PTPRB: variants seen among roughly 807,000 people sequenced by gnomAD.
PTPRB encodes the protein protein tyrosine phosphatase receptor type B.
PTPRB carries 97 observed loss-of-function variants against 238.1 expected under a neutral mutation model. That is an observed-to-expected ratio of 0.41 (90% CI 0.35 to 0.48). PTPRB has a LOEUF of 0.48. Among genes scored for constraint, PTPRB ranks in the 20% least tolerant of loss-of-function variants. The pLI, the probability that PTPRB is intolerant of heterozygous loss-of-function variation, is 0.30. For synonymous variants in PTPRB, 970 were observed against 995.4 expected, an observed-to-expected ratio of 0.97 and a Z score of 0.48; for missense variants, 2,292 against 2,681.9, an observed-to-expected ratio of 0.85 and a Z score of 3.21.
intron 3 of PTPRB, among the ~76,000 whole-genome samples, chr12:70,620,469 G>A (rs796401209): frequency 8.5e-5 from 13 of 152,228 alleles, no homozygotes; most frequent in African/African-American, 2.4e-4. Context: ...GCAGATAAAT[G>A]TTTATAATAG....
rs191975031 is a variant in PTPRB at position 70,566,339 on chromosome 12, T to A, written c.3904+96A>T. ...CCAGCGTATCAAGAGATAGATATCA[T>A]CTCCCAATGTTGCTTCATCCCTCTC... On this transcript the variant is annotated intron_variant, in intron 15 of 33. Coordinates refer to ENST00000334414, the MANE Select transcript of PTPRB (RefSeq NM_001109754.4). The A allele has an allele frequency of 1.0e-4, 144 of 1,402,960 alleles. No individual in the cohort carries two copies. The African/African-American group carries it at 2.0e-3, about 20-fold the overall frequency. The allele number at this position is 1,402,960 out of a possible 1,614,324, so 86.9% of individuals were successfully genotyped here.
At chr12:70,602,809 C>T (rs1883625201) in intron 4 of PTPRB, among the ~76,000 whole-genome samples, 1 of 152,050 alleles carries the variant, frequency 6.6e-6, no homozygotes. Flanking sequence ...GAAGAAAACA[C>T]AATATCAAAA....
intron 7 of PTPRB, among the ~76,000 whole-genome samples, chr12:70,591,226 G>A (rs759879388): frequency 1.3e-5 from 2 of 151,068 alleles, no homozygotes; most frequent in Admixed American, 6.6e-5. Flanking sequence ...ATGAGCCACC[G>A]CACCCTGCTC....
At chr12:70,616,475 T>C (rs1353181738) in intron 3 of PTPRB, among the ~76,000 whole-genome samples, 1 of 152,222 alleles carries the variant, frequency 6.6e-6, no homozygotes, top group East Asian at 1.9e-4. Flanking sequence ...CTCCAATGGA[T>C]TGCAAACCTG....
chr12:70,570,794 T>C (rs983896486), intron 13 of PTPRB, among the ~76,000 whole-genome samples: 8 of 152,092 alleles, frequency 5.3e-5, no homozygotes, highest in Non-Finnish European at 8.8e-5. Context: ...ATCACATCAG[T>C]TCATTGCTAT....
intron 10 of PTPRB, 32 bp from the exon 11 acceptor site, chr12:70,576,677 G>GGGGGGGGA: frequency 4.3e-6 from 1 of 233,644 alleles, no homozygotes; most frequent in Non-Finnish European, 7.9e-6. Flanking sequence ...GGCGGGGGGG[G>GGGGGGGGA]GGGGGAAGGG....
At chr12:70,592,115 C>T in intron 7 of PTPRB, 167 bp downstream of exon 7, 1 of 874,016 alleles carries the variant, frequency 1.1e-6, no homozygotes, top group Non-Finnish European at 1.7e-6. Flanking sequence ...AACTCAGTTG[C>T]CTAAGTGACT....
At chr12:70,563,562 G>A (rs1878795384) in intron 15 of PTPRB, among the ~76,000 whole-genome samples, 1 of 152,070 alleles carries the variant, frequency 6.6e-6, no homozygotes, top group Non-Finnish European at 1.5e-5. Flanking sequence ...ATATTCTATA[G>A]CCCCAGCTGA....
In PTPRB at chr12:70,538,222, G is replaced by T; in HGVS notation, c.5879C>A (p.Thr1960Lys). The change falls in exon 28 of 34, where the codon ACG becomes AAG. Residue 1960 changes from threonine to lysine, a missense_variant. Physicochemically the swap from Thr to Lys is moderately conservative, Grantham distance 78. Transcript: ENST00000334414. The part of the protein sequence containing the change: ...RYNNILPYDA[T>K]RVKLSNVDDD... Reference sequence around the variant, plus strand: ...ATCTACATTGGAGAGCTTCACTCGCGTGGCATCATCTGGAAGGAGAGATTT... The same window carrying T: ...ATCTACATTGGAGAGCTTCACTCGCTTGGCATCATCTGGAAGGAGAGATTT... 6.2e-7 allele frequency: 1 copy of T among 1,613,354 alleles called. No homozygotes were observed. Among genetic ancestry groups the T allele is most frequent in the Non-Finnish European group, 8.5e-7 (1 of 1,179,608 alleles).
chr12:70,523,611 C>T (rs913918163), intron 33 of PTPRB, among the ~76,000 whole-genome samples: 10 of 152,106 alleles, frequency 6.6e-5, no homozygotes, highest in African/African-American at 2.4e-4. Flanking sequence ...TAGCAGGCAT[C>T]CTCAGCTAGG....
chr12:70,592,150 C>T (rs1882548076), intron 7 of PTPRB, 132 bp downstream of exon 7: 1 of 1,270,156 alleles, frequency 7.9e-7, no homozygotes, highest in Non-Finnish European at 1.1e-6. Context: ...ATACTACAGA[C>T]ACCTTCAGTT....
rs112214010 is a variant in PTPRB at position 70,604,635 on chromosome 12, G to C, written c.979+4434C>G. On this transcript the variant is annotated intron_variant, in intron 4 of 33. Coordinates refer to ENST00000334414, the MANE Select transcript of PTPRB (RefSeq NM_001109754.4). ...CTATAGAAGTATTAGGGGATGAATTGTGTCCCCACCAAATTTATATGTTGA... is the reference window on the plus strand; with the variant it reads ...CTATAGAAGTATTAGGGGATGAATTCTGTCCCCACCAAATTTATATGTTGA... 3.7e-3 allele frequency among the ~76,000 whole-genome samples: 557 copies of C among 152,300 alleles called. 3 individuals are homozygous for C. Among genetic ancestry groups the C allele is most frequent in the African/African-American group, 0.012 (519 of 41,556 alleles).
intron 5 of PTPRB, among the ~76,000 whole-genome samples, chr12:70,595,389 G>A (rs1882920316): frequency 6.6e-6 from 1 of 152,116 alleles, no homozygotes; most frequent in African/African-American, 2.4e-5. Flanking sequence ...CATGGCACGT[G>A]TATACCTATG....
intron 32 of PTPRB, among the ~76,000 whole-genome samples, chr12:70,524,931 ATATGTATG>A (rs1055041435): frequency 6.7e-6 from 1 of 148,756 alleles, no homozygotes; most frequent in African/African-American, 2.6e-5. Flanking sequence ...ATATGTGTGT[ATATGTATG>A]TATATATATG....
rs1871313135 is a variant in PTPRB, at chr12:70,517,895, A to G, written c.*3594T>C. 1 of 152,224 alleles carries G rather than the reference A, an allele frequency of 6.6e-6. No individual in the cohort carries two copies. Among genetic ancestry groups the G allele is most frequent in the Admixed American group, 6.5e-5 (1 of 15,278 alleles). 9.4% of individuals were successfully genotyped at this position (152,224 alleles called of 1,614,324 possible). ...AGTATATGGCCAATAATATTATTGC[A>G]AAAGGTAAGGAAAATGTTTAACATA... On this transcript the variant is annotated 3_prime_UTR_variant, in exon 34 of 34. Transcript: ENST00000334414.
rs149998223 is a variant in PTPRB at position 70,571,229 on chromosome 12, G to A, written c.3167C>T (p.Thr1056Ile). The part of the protein sequence containing the change: ...RNRSTEDLHV[T>I]WSGANGDVDQ... ...GACATCCCCATTAGCTCCTGACCAA[G>A]TCACATGCAAGTCCTCAGTGCTCCT... is the stretch of plus-strand genomic sequence containing the variant. Residue 1056 changes from threonine (T) to isoleucine (I), a missense_variant, in exon 13 of 34, where the codon ACT becomes ATT. By Grantham distance (89) the Thr-to-Ile change is moderately conservative. Coordinates refer to ENST00000334414, the MANE Select transcript of PTPRB (RefSeq NM_001109754.4). The A allele has an allele frequency of 1.4e-3, 2,187 of 1,612,624 alleles. 6 individuals are homozygous for A. Among genetic ancestry groups the A allele is most frequent in the Admixed American group, 4.1e-3 (244 of 60,026 alleles).
chr12:70,558,685 T>G (rs931363542), intron 18 of PTPRB: 8 of 155,296 alleles, frequency 5.2e-5, no homozygotes, highest in African/African-American at 1.7e-4. Flanking sequence ...CAATCTATTC[T>G]CTACACTGTA....
At chr12:70,549,832 A>T (rs555072763) in intron 21 of PTPRB, among the ~76,000 whole-genome samples, 35 of 152,354 alleles carry the variant, frequency 2.3e-4, no homozygotes, top group African/African-American at 7.5e-4. Context: ...GGAGAAATAT[A>T]GGAAAGGTGT....
Position 70,581,030 on chromosome 12 carries a change from T to G in PTPRB, c.2578+6A>C, listed in dbSNP as rs756006324. Reference sequence around the variant, plus strand: ...TAAGTCACAGACACATATCTCTACTTCTTACCTGTTCTTCCCTCCACAACC... The same window carrying G: ...TAAGTCACAGACACATATCTCTACTGCTTACCTGTTCTTCCCTCCACAACC... On this transcript the variant is annotated splice_donor_region_variant and intron_variant, in intron 10 of 33. Coordinates refer to ENST00000334414, the MANE Select transcript of PTPRB (RefSeq NM_001109754.4). 6.2e-7 allele frequency: 1 copy of G among 1,612,984 alleles called. No homozygotes were observed. Among genetic ancestry groups the G allele is most frequent in the Non-Finnish European group, 8.5e-7 (1 of 1,179,390 alleles).
Sources: allele counts gnomAD v4.1 joint callset (sites outside exome capture counted in the v4.1 genomes callset), GRCh38; gene constraint gnomAD v4.1.1; transcripts MANE v1.5; gene names NCBI Gene and HGNC (gene_info 2026-07-23, HGNC 2026-07-21).